GNB4: variants seen among roughly 807,000 people sequenced by gnomAD.
GNB4 encodes G protein subunit beta 4, also known as guanine nucleotide-binding protein subunit beta-4.
Under a neutral mutation model 45.2 loss-of-function variants are expected in GNB4, and 28 were observed. That is an observed-to-expected ratio of 0.62 (90% CI 0.46 to 0.85). GNB4 has a LOEUF of 0.85. Ranked by LOEUF, GNB4 falls within the 40% of genes least tolerant of loss-of-function variation. GNB4 has a pLI of 0.00. For missense variants in GNB4, 321 were observed against 425.4 expected, an observed-to-expected ratio of 0.75 and a Z score of 2.16; for synonymous variants, 132 against 143.7, an observed-to-expected ratio of 0.92 and a Z score of 0.58.
At chr3:179,485,731 A>T in the GNB4 span, among the ~76,000 whole-genome samples, 1 of 151,430 alleles carries the variant, frequency 6.6e-6, no homozygotes, top group Non-Finnish European at 1.5e-5. Context: ...ACTTGAGCTC[A>T]GGAGTTCAAG....
At chr3:179,464,534 A>G in the GNB4 span, 3 of 1,606,776 alleles carry the variant, frequency 1.9e-6, no homozygotes, top group Non-Finnish European at 2.6e-6. Flanking sequence ...GGGTGGCCTC[A>G]GGCGACAAAC....
the GNB4 span, among the ~76,000 whole-genome samples, chr3:179,509,891 C>T: frequency 6.6e-6 from 1 of 152,170 alleles, no homozygotes; most frequent in Non-Finnish European, 1.5e-5. Context: ...AATCATGGCT[C>T]ACTGCAACCT....
At chr3:179,402,908 T>C (rs947780503) in intron 9 of GNB4, among the ~76,000 whole-genome samples, 3 of 152,080 alleles carry the variant, frequency 2.0e-5, no homozygotes, top group Non-Finnish European at 2.9e-5. Flanking sequence ...GGCCAGAGAC[T>C]CACTCAGAGG....
chr3:179,444,202 CAGG>C (rs1715662493), intron 1 of GNB4, among the ~76,000 whole-genome samples: 1 of 152,100 alleles, frequency 6.6e-6, no homozygotes, highest in Non-Finnish European at 1.5e-5. Context: ...GTCTTACAGC[CAGG>C]AGGAGTCTGT....
At chr3:179,517,852 GGGACGCCT>G in the GNB4 span, among the ~76,000 whole-genome samples, 5 of 152,188 alleles carry the variant, frequency 3.3e-5, no homozygotes, top group African/African-American at 1.2e-4. Flanking sequence ...TAATCACGCA[GGGACGCCT>G]GCCTGATTAT....
In GNB4 at chr3:179,399,570, T is replaced by C. The variant is rs975678258; in HGVS notation, c.*1643A>G. On this transcript the variant is annotated 3_prime_UTR_variant, in exon 10 of 10. Coordinates refer to ENST00000232564, the MANE Select transcript of GNB4 (RefSeq NM_021629.4). ...CATAACTGCCATCTACAATATTCTG[T>C]TTTGGTCCTATATCTTAATTTGCCT... 3.3e-4 allele frequency: 50 copies of C among 152,178 alleles called. No individual in the cohort carries two copies. Among genetic ancestry groups the C allele is most frequent in the African/African-American group, 1.2e-3 (49 of 41,442 alleles). 9.4% of individuals were successfully genotyped at this position (152,178 alleles called of 1,614,324 possible). A position where few individuals can be genotyped will look rare whatever the true frequency, so the allele number is the denominator to read the frequency against.
At chr3:179,411,775 T>TA (rs1005393877) in intron 8 of GNB4, among the ~76,000 whole-genome samples, 1 of 152,192 alleles carries the variant, frequency 6.6e-6, no homozygotes. Context: ...TAAAATCATG[T>TA]AAAAAAAGTG....
chr3:179,476,599 T>TAGTA, the GNB4 span, among the ~76,000 whole-genome samples: 5 of 152,370 alleles, frequency 3.3e-5, no homozygotes, highest in South Asian at 1.0e-3. Flanking sequence ...GTAGGGGCTC[T>TAGTA]CTGAGATGGT....
chr3:179,425,691 G>C (rs906471436), intron 2 of GNB4, among the ~76,000 whole-genome samples: 11 of 152,066 alleles, frequency 7.2e-5, no homozygotes, highest in Non-Finnish European at 1.5e-4. Context: ...GGCTGGTCTT[G>C]AACTCCTGAC....
chr3:179,458,062 G>A, the GNB4 span, among the ~76,000 whole-genome samples: 3 of 152,076 alleles, frequency 2.0e-5, no homozygotes, highest in Admixed American at 6.6e-5. Flanking sequence ...CTGCCACCAC[G>A]CTCAGGTAAT....
chr3:179,444,554 A>G (rs934105383), intron 1 of GNB4, among the ~76,000 whole-genome samples: 1 of 151,986 alleles, frequency 6.6e-6, no homozygotes, highest in African/African-American at 2.4e-5. Context: ...GTTCCATTTA[A>G]ATACACAGTT....
intron 8 of GNB4, 77 bp downstream of exon 8, chr3:179,413,335 T>C (rs957501114): frequency 9.0e-7 from 1 of 1,108,894 alleles, no homozygotes; most frequent in South Asian, 1.3e-5. Flanking sequence ...TGAAGGCAAT[T>C]TGTTGTTAAA....
the GNB4 span, among the ~76,000 whole-genome samples, chr3:179,468,035 A>AAAAAAAAAAAAAAATATAT: frequency 2.2e-5 from 2 of 89,854 alleles, no homozygotes; most frequent in African/African-American, 8.0e-5. Context: ...TGTTGATAAA[A>AAAAAAAAAAAAAAATATAT]ATATATATAT....
the GNB4 span, among the ~76,000 whole-genome samples, chr3:179,521,097 G>A: frequency 8.5e-5 from 13 of 152,180 alleles, no homozygotes; most frequent in Admixed American, 7.9e-4. Flanking sequence ...TTACTCACAT[G>A]CCCCAAGTCA....
intron 1 of GNB4, among the ~76,000 whole-genome samples, chr3:179,436,185 G>A (rs569546048): frequency 6.6e-6 from 1 of 152,276 alleles, no homozygotes; most frequent in East Asian, 1.9e-4. Flanking sequence ...GATCGCCTGA[G>A]GCAGGGAGTT....
chr3:179,489,493 T>C, the GNB4 span, among the ~76,000 whole-genome samples: 3 of 151,922 alleles, frequency 2.0e-5, no homozygotes, highest in Non-Finnish European at 4.4e-5. Flanking sequence ...AATAAAAAAT[T>C]AGCTGGGCAT....
At position 179,398,804 on chromosome 3, in the gene GNB4, ATTTG is replaced by A. The variant is rs1714197305; in HGVS notation, c.*2405_*2408del. 2.0e-5 allele frequency: 3 copies of A among 151,822 alleles called. No homozygotes were observed. The highest frequency in any genetic ancestry group is 2.9e-5 in the Non-Finnish European group (2 of 67,954). The allele number at this position is 151,822 out of a possible 1,614,324, so 9.4% of individuals were successfully genotyped here. The stretch of plus-strand genomic sequence containing the variant: ...GTGGTAGTGAGGCTACTCTGTCGCC[ATTTG>A]TTTATGTGTATAATTAACCACAAGT... On this transcript the variant is annotated 3_prime_UTR_variant, in exon 10 of 10. Transcript: ENST00000232564.
At chr3:179,435,653 CTTA>C (rs777981747) in intron 1 of GNB4, among the ~76,000 whole-genome samples, 6 of 152,172 alleles carry the variant, frequency 3.9e-5, no homozygotes, top group Non-Finnish European at 7.4e-5. Context: ...ACACAGTGCT[CTTA>C]TTTTGTTACC....
At chr3:179,415,332 T>C (rs1026160499) in intron 5 of GNB4, among the ~76,000 whole-genome samples, 1 of 152,230 alleles carries the variant, frequency 6.6e-6, no homozygotes, top group African/African-American at 2.4e-5. Flanking sequence ...CCAAGGTTAA[T>C]ATACTGCCAT....
Sources: allele counts gnomAD v4.1 joint callset (sites outside exome capture counted in the v4.1 genomes callset), GRCh38; gene constraint gnomAD v4.1.1; transcripts MANE v1.5; gene names NCBI Gene and HGNC (gene_info 2026-07-23, HGNC 2026-07-21).